Variants in SMARCA2 observed in about 807,000 individuals in gnomAD.
The protein encoded by SMARCA2 is SWI/SNF related BAF chromatin remodeling complex subunit ATPase 2.
Under a neutral mutation model 199.8 loss-of-function variants are expected in SMARCA2, and 61 were observed. The observed-to-expected ratio is 0.31, with a 90% CI of 0.25 to 0.38. The LOEUF (loss-of-function observed/expected upper bound fraction) is 0.38. Ranked by LOEUF, SMARCA2 falls within the 10% of genes least tolerant of loss-of-function variation. The probability of loss-of-function intolerance (pLI) is 1.00; values close to 1 mark genes in which losing one functional copy is unlikely to be tolerated. For synonymous variants in SMARCA2, 935 were observed against 732.0 expected (o/e 1.28, Z -4.48); for missense variants, 1,344 against 2,012.2 (o/e 0.67, Z 6.35).
intron 32 of SMARCA2, among the ~76,000 whole-genome samples, chr9:2,188,405 G>A (rs10119495): frequency 0.8 from 122,258 of 152,070 alleles, 49,891 homozygotes; most frequent in African/African-American, 0.94. Flanking sequence ...CTTTCCCAAC[G>A]TCATTTTCTA....
rs377316847 is a variant in SMARCA2, at chr9:2,188,883, G to A, written c.4595-2383G>A. ...CAAAGTTCCCACTTTCTTGCTGGCTGCCAGTGGAAGGCTGTTCCCAACAGT... is the reference window on the plus strand; with the variant it reads ...CAAAGTTCCCACTTTCTTGCTGGCTACCAGTGGAAGGCTGTTCCCAACAGT... On this transcript the variant is annotated intron_variant, in intron 32 of 33. Transcript: ENST00000349721. Among the ~76,000 whole-genome samples, 11 of 152,300 alleles carry A rather than the reference G, an allele frequency of 7.2e-5. No homozygotes were observed. The East Asian group carries it at 1.2e-3, about 16-fold the overall frequency.
chr9:2,146,388 A>T (rs561480172), intron 27 of SMARCA2, among the ~76,000 whole-genome samples: 5 of 152,174 alleles, frequency 3.3e-5, no homozygotes, highest in Non-Finnish European at 7.3e-5. Context: ...CGAAATCAGG[A>T]TGGGTAGGAT....
At chr9:2,137,351 T>A (rs7862805) in intron 27 of SMARCA2, among the ~76,000 whole-genome samples, 49,390 of 152,022 alleles carry the variant, frequency 0.32, 12,243 homozygotes, top group African/African-American at 0.69. Context: ...TTGTAAGTGT[T>A]ATTAAATCTA....
intron 32 of SMARCA2, 113 bp from the exon 33 acceptor site, chr9:2,191,153 C>T (rs933393200): frequency 9.7e-7 from 1 of 1,027,568 alleles, no homozygotes; most frequent in East Asian, 2.4e-5. Flanking sequence ...CGGGAATGTT[C>T]TGGGCACTCT....
intron 32 of SMARCA2, 40 bp from the exon 33 acceptor site, chr9:2,191,226 G>A (rs1827857196): frequency 6.2e-7 from 1 of 1,601,306 alleles, no homozygotes; most frequent in African/African-American, 1.3e-5. Flanking sequence ...ATCTCCTTGT[G>A]ATTACTCACT....
chr9:2,070,370 A>G (rs765192388), intron 9 of SMARCA2, 48 bp from the exon 10 acceptor site: 2 of 1,508,004 alleles, frequency 1.3e-6, no homozygotes, highest in Middle Eastern at 1.8e-4. Flanking sequence ...GAAGTCCTGT[A>G]CCCCATCATC....
intron 27 of SMARCA2, among the ~76,000 whole-genome samples, chr9:2,138,612 A>G (rs541447529): frequency 1.3e-5 from 2 of 152,292 alleles, no homozygotes; most frequent in South Asian, 4.2e-4. Context: ...ATAACTTATG[A>G]AAGATGGGCT....
At chr9:2,101,725 A>AG in intron 22 of SMARCA2, 109 bp downstream of exon 22, 1 of 577,460 alleles carries the variant, frequency 1.7e-6, no homozygotes, top group Non-Finnish European at 3.1e-6. Flanking sequence ...CCAGCCCTCT[A>AG]AGGGCTCTTC....
At chr9:2,125,923 A>C (rs1262554773) in intron 27 of SMARCA2, among the ~76,000 whole-genome samples, 4 of 152,252 alleles carry the variant, frequency 2.6e-5, no homozygotes, top group African/African-American at 9.6e-5. Flanking sequence ...GCCCTGAAGA[A>C]AAACAACATT....
intron 9 of SMARCA2, among the ~76,000 whole-genome samples, chr9:2,063,740 A>ATTTTT (rs78255618): frequency 6.7e-6 from 1 of 149,074 alleles, no homozygotes; most frequent in Admixed American, 6.7e-5. Context: ...CTAGTGTACA[A>ATTTTT]TTTTTTTTTT....
At chr9:2,172,057 C>T (rs1367473739) in intron 29 of SMARCA2, among the ~76,000 whole-genome samples, 1 of 152,150 alleles carries the variant, frequency 6.6e-6, no homozygotes, top group African/African-American at 2.4e-5. Flanking sequence ...TTCCTCAGGG[C>T]TCTCTGGAGT....
At chr9:2,084,436 C>T (rs976511153) in intron 17 of SMARCA2, among the ~76,000 whole-genome samples, 5 of 146,026 alleles carry the variant, frequency 3.4e-5, no homozygotes, top group South Asian at 2.2e-4. Context: ...GATCCTGGGG[C>T]GGCTCTTGTC....
At chr9:2,192,550 C>G in intron 33 of SMARCA2, 154 bp from the exon 34 acceptor site, 2 of 700,780 alleles carry the variant, frequency 2.9e-6, no homozygotes, top group Non-Finnish European at 2.6e-6. Context: ...GTCGATGCCT[C>G]TTTAATGTGT....
intron 31 of SMARCA2, among the ~76,000 whole-genome samples, chr9:2,182,917 A>C (rs921001762): frequency 6.6e-6 from 1 of 151,902 alleles, no homozygotes; most frequent in Admixed American, 6.6e-5. Context: ...TAGCCTCCTG[A>C]GTAGCTGGGA....
At chr9:2,101,297 G>C (rs1822502947) in intron 21 of SMARCA2, among the ~76,000 whole-genome samples, 1 of 152,146 alleles carries the variant, frequency 6.6e-6, no homozygotes. Context: ...CTATGGGCCA[G>C]TGGGTGCTCA....
intron 27 of SMARCA2, among the ~76,000 whole-genome samples, chr9:2,146,212 C>A (rs1464757240): frequency 6.6e-6 from 1 of 152,092 alleles, no homozygotes; most frequent in African/African-American, 2.4e-5. Context: ...GTAGAAGGGA[C>A]ATGGGAGCTC....
At chr9:2,132,964 G>A (rs1229187872) in intron 27 of SMARCA2, among the ~76,000 whole-genome samples, 1 of 152,178 alleles carries the variant, frequency 6.6e-6, no homozygotes, top group African/African-American at 2.4e-5. Flanking sequence ...TCAGAGGTCT[G>A]ACGGAAATAT....
chr9:2,033,450 A>G (rs1459370938), intron 3 of SMARCA2, among the ~76,000 whole-genome samples: 6 of 152,238 alleles, frequency 3.9e-5, no homozygotes, highest in East Asian at 1.9e-4. Context: ...TACATGTCCA[A>G]TCGGTGACAG....
chr9:2,069,480 A>C (rs891688210), intron 9 of SMARCA2, among the ~76,000 whole-genome samples: 2 of 151,550 alleles, frequency 1.3e-5, no homozygotes, highest in African/African-American at 4.8e-5. Context: ...AATGGCGTGA[A>C]CACGGGAGGC....
Sources: gnomAD v4.1 joint callset for allele counts (sites outside exome capture counted in the v4.1 genomes callset) on GRCh38, gnomAD v4.1.1 for gene constraint, MANE v1.5 for transcripts, NCBI Gene and HGNC (gene_info 2026-07-23, HGNC 2026-07-21) for gene names.